The following FHOD3 variants were observed in gnomAD, a reference collection of about 807,000 sequenced individuals.
The protein encoded by FHOD3 is formin homology 2 domain containing 3, also known as FH1/FH2 domain-containing protein 3.
Under a neutral mutation model 173.0 loss-of-function variants are expected in FHOD3, and 90 were observed. The ratio of observed to expected loss-of-function variants is 0.52; its 90% CI spans 0.44 to 0.62. The LOEUF (loss-of-function observed/expected upper bound fraction) is 0.62, where lower values mean the gene tolerates loss of function less well. Among genes scored for constraint, FHOD3 ranks in the 20% least tolerant of loss-of-function variants. FHOD3 has a pLI of 0.00. For synonymous variants in FHOD3, 828 were observed against 823.0 expected, an observed-to-expected ratio of 1.01 and a Z score of -0.10; for missense variants, 1,945 against 2,034.7, an observed-to-expected ratio of 0.96 and a Z score of 0.85.
At chr18:36,507,270 C>A (rs1234194550) in intron 4 of FHOD3, among the ~76,000 whole-genome samples, 3 of 152,234 alleles carry the variant, frequency 2.0e-5, no homozygotes, top group Admixed American at 1.3e-4. Context: ...AGTATTCACA[C>A]AAACTTTGTT....
intron 1 of FHOD3, among the ~76,000 whole-genome samples, chr18:36,317,045 A>G (rs1436018728): frequency 4.6e-5 from 7 of 152,204 alleles, no homozygotes; most frequent in South Asian, 2.1e-4. Flanking sequence ...CCTGCAAAGG[A>G]CATGAACTCA....
rs1294385782 is a variant in FHOD3 at position 36,458,571 on chromosome 18, T to C, written c.338-43361T>C. Among the ~76,000 whole-genome samples, 10 of 152,136 alleles carry C rather than the reference T, an allele frequency of 6.6e-5. 1 individual carries two copies. The highest frequency in any genetic ancestry group is 1.9e-4 in the African/African-American group (8 of 41,528). ...CTGGGGCCTCTTCTCTGCCCCTCCATTGGCCTGTGGATCTTCTGCTACAAT... is the reference window on the plus strand; with the variant it reads ...CTGGGGCCTCTTCTCTGCCCCTCCACTGGCCTGTGGATCTTCTGCTACAAT... On this transcript the variant is annotated intron_variant, in intron 3 of 28. Transcript: ENST00000590592.
intron 5 of FHOD3, among the ~76,000 whole-genome samples, chr18:36,513,895 G>C (rs1209984443): frequency 6.6e-6 from 1 of 151,994 alleles, no homozygotes; most frequent in African/African-American, 2.4e-5. Context: ...AGCAGTGTTT[G>C]TGGGGCTGCG....
intron 3 of FHOD3, among the ~76,000 whole-genome samples, chr18:36,384,993 C>T (rs1223950730): frequency 6.6e-6 from 1 of 152,132 alleles, no homozygotes; most frequent in Admixed American, 6.5e-5. Flanking sequence ...TCCAGTTCCT[C>T]TAAAGGAATG....
rs1018364376 is a variant in FHOD3, at chr18:36,669,018, G to A, written c.1835+10830G>A. On this transcript the variant is annotated intron_variant, in intron 14 of 28. Transcript: ENST00000590592. ...GTTGATGGTATTGTTCTAGTATTCC[G>A]TATCCTTAGTGCTTGTCTGTCTTGT... Among the ~76,000 whole-genome samples the A allele has an allele frequency of 5.9e-5, 9 of 151,854 alleles. No homozygotes were observed. In the South Asian group the frequency reaches 6.2e-4, roughly 11 times the overall value.
At chr18:36,724,600 C>T (rs1273709209) in intron 19 of FHOD3, among the ~76,000 whole-genome samples, 1 of 152,214 alleles carries the variant, frequency 6.6e-6, no homozygotes, top group African/African-American at 2.4e-5. Context: ...TAATGACCGC[C>T]CTCCTGCTCC....
chr18:36,717,950 T>C lies in FHOD3; in HGVS notation c.2652T>C (p.Asp884=), dbSNP rs3809993. The C allele has an allele frequency of 9.0e-5, 146 of 1,613,772 alleles. No homozygotes were observed. The East Asian group carries it at 1.6e-3, about 18-fold the overall frequency. ...LYAHNRKSPD[D]EEKGDGEAGR... ...CCCATAACAGGAAGTCTCCGGATGA[T>C]GAGGAGAAGGGGGATGGGGAGGCTG... The change falls in exon 19 of 29, where the codon GAT becomes GAC. Residue 884 remains aspartate (D), a synonymous_variant. Transcript: ENST00000590592.
At chr18:36,677,832 T>C (rs1370416118) in intron 14 of FHOD3, among the ~76,000 whole-genome samples, 2 of 152,260 alleles carry the variant, frequency 1.3e-5, no homozygotes, top group Non-Finnish European at 2.9e-5. Context: ...AAAAAAGAAT[T>C]GGCATCCTGA....
chr18:36,463,025 A>G (rs1208581691), intron 3 of FHOD3, among the ~76,000 whole-genome samples: 1 of 152,130 alleles, frequency 6.6e-6, no homozygotes, highest in Non-Finnish European at 1.5e-5. Context: ...ACAAATAGTA[A>G]TGTCTAGCAA....
chr18:36,312,150 T>G (rs930668572), intron 1 of FHOD3, among the ~76,000 whole-genome samples: 3 of 152,224 alleles, frequency 2.0e-5, no homozygotes, highest in Non-Finnish European at 4.4e-5. Flanking sequence ...ATTCTTGACT[T>G]ATAGAATCTC....
intron 14 of FHOD3, among the ~76,000 whole-genome samples, chr18:36,676,320 T>C (rs2037853236): frequency 6.6e-6 from 1 of 152,248 alleles, no homozygotes; most frequent in South Asian, 2.1e-4. Flanking sequence ...TCACTATCTA[T>C]ATATTTTGCT....
intron 4 of FHOD3, among the ~76,000 whole-genome samples, chr18:36,509,084 A>G (rs1376784901): frequency 2.0e-5 from 3 of 152,240 alleles, no homozygotes; most frequent in East Asian, 3.8e-4. Flanking sequence ...ACAGGGGTGT[A>G]ACCAACAAAA....
At chr18:36,364,893 G>C (rs1306226384) in intron 2 of FHOD3, among the ~76,000 whole-genome samples, 2 of 152,236 alleles carry the variant, frequency 1.3e-5, no homozygotes, top group East Asian at 1.9e-4. Context: ...GTGTCTGAAG[G>C]GGGAGAAAGC....
At chr18:36,542,079 C>A (rs1459772500) in intron 5 of FHOD3, among the ~76,000 whole-genome samples, 1 of 152,138 alleles carries the variant, frequency 6.6e-6, no homozygotes, top group Non-Finnish European at 1.5e-5. Context: ...CGGTTTATAA[C>A]AATGGAATTA....
intron 1 of FHOD3, among the ~76,000 whole-genome samples, chr18:36,320,088 C>A (rs571057937): frequency 6.6e-6 from 1 of 151,890 alleles, no homozygotes; most frequent in African/African-American, 2.4e-5. Context: ...GAAGCAAGAG[C>A]AAACAAATTC....
intron 1 of FHOD3, among the ~76,000 whole-genome samples, chr18:36,332,206 A>G (rs968238247): frequency 6.6e-6 from 1 of 152,206 alleles, no homozygotes; most frequent in Non-Finnish European, 1.5e-5. Context: ...CTGAGAGGCA[A>G]TACCTTGCTA....
At chr18:36,298,539 C>T (rs2091868660) in intron 1 of FHOD3, among the ~76,000 whole-genome samples, 1 of 152,120 alleles carries the variant, frequency 6.6e-6, no homozygotes, top group Admixed American at 6.5e-5. Context: ...CTCCTTCCCC[C>T]GGGGGCGCCG....
intron 14 of FHOD3, among the ~76,000 whole-genome samples, chr18:36,668,923 T>C (rs1454018782): frequency 6.6e-6 from 1 of 152,018 alleles, no homozygotes; most frequent in Non-Finnish European, 1.5e-5. Flanking sequence ...GTGGCAAATA[T>C]ACTGTGTAAA....
intron 5 of FHOD3, among the ~76,000 whole-genome samples, chr18:36,560,922 A>G (rs1305398960): frequency 6.6e-6 from 1 of 151,668 alleles, no homozygotes; most frequent in Non-Finnish European, 1.5e-5. Flanking sequence ...TCTGTTCAGA[A>G]TCATCCCCCT....
Sources: allele counts gnomAD v4.1 joint callset (sites outside exome capture counted in the v4.1 genomes callset), GRCh38; gene constraint gnomAD v4.1.1; transcripts MANE v1.5; gene names NCBI Gene and HGNC (gene_info 2026-07-23, HGNC 2026-07-21).